Variants in WDPCP observed in about 807,000 individuals in gnomAD.
WDPCP encodes WD repeat-containing and planar cell polarity effector protein fritz homolog.
In WDPCP, 71 loss-of-function variants were observed where a neutral mutation model predicts 93.1. The observed-to-expected ratio is 0.76, with a 90% CI of 0.63 to 0.93. WDPCP has a LOEUF of 0.93. Among genes scored for constraint, WDPCP ranks in the 40% least tolerant of loss-of-function variants. The probability of loss-of-function intolerance (pLI) is 0.00; values close to 1 mark genes in which losing one functional copy is unlikely to be tolerated. For synonymous variants in WDPCP, 315 were observed against 315.0 expected (o/e 1.00, Z 0.00); for missense variants, 844 against 887.4 (o/e 0.95, Z 0.62).
At chr2:63,565,496 G>T (rs1200252630) in intron 1 of WDPCP, among the ~76,000 whole-genome samples, 1 of 152,062 alleles carries the variant, frequency 6.6e-6, no homozygotes, top group East Asian at 1.9e-4. Context: ...AAAACATCAA[G>T]GAGTCACTGA....
At chr2:63,523,677 C>T (rs1703105511) in intron 1 of WDPCP, among the ~76,000 whole-genome samples, 1 of 152,130 alleles carries the variant, frequency 6.6e-6, no homozygotes, top group Non-Finnish European at 1.5e-5. Context: ...TTTGAGAGGC[C>T]GCGGTGGGCG....
intron 16 of WDPCP, 144 bp from the exon 17 acceptor site, chr2:63,153,089 C>G (rs545907545): frequency 1.5e-6 from 1 of 686,868 alleles, no homozygotes; most frequent in East Asian, 2.7e-5. Flanking sequence ...AAAAACCAAA[C>G]CTTAACATAG....
intron 2 of WDPCP, among the ~76,000 whole-genome samples, chr2:63,700,304 CAAAAAGAA>C (rs1558887459): frequency 1.8e-5 from 2 of 110,922 alleles, no homozygotes; most frequent in African/African-American, 6.8e-5. Flanking sequence ...AAAAAAAAAA[CAAAAAGAA>C]AAAAAGAAAA....
chr2:63,425,698 G>A (rs1696227842), intron 9 of WDPCP, among the ~76,000 whole-genome samples: 1 of 152,146 alleles, frequency 6.6e-6, no homozygotes, highest in South Asian at 2.1e-4. Context: ...TTAAAAATGA[G>A]TAAAACCTCT....
rs1368103298 is a variant in WDPCP at position 63,409,754 on chromosome 2, G to A, written c.826-5097C>T. ...AACACTTATAGAAATGCAAAATGCTGTGGAAAGTATCAGCGATAGCATTAA... is the reference window on the plus strand; with the variant it reads ...AACACTTATAGAAATGCAAAATGCTATGGAAAGTATCAGCGATAGCATTAA... On this transcript the variant is annotated intron_variant, in intron 9 of 17. Transcript: ENST00000272321. 2.6e-5 allele frequency among the ~76,000 whole-genome samples: 4 copies of A among 152,288 alleles called. No individual in the cohort carries two copies. In the East Asian group the frequency reaches 7.7e-4, roughly 29 times the overall value.
intron 13 of WDPCP, among the ~76,000 whole-genome samples, chr2:63,303,150 G>A (rs1039353850): frequency 6.6e-6 from 1 of 152,146 alleles, no homozygotes; most frequent in Admixed American, 6.5e-5. Flanking sequence ...CAATTTACAA[G>A]GCTATCCCTG....
chr2:63,701,805 T>C (rs1200384117), intron 2 of WDPCP, among the ~76,000 whole-genome samples: 2 of 152,014 alleles, frequency 1.3e-5, no homozygotes, highest in Non-Finnish European at 2.9e-5. Context: ...AAAGTGACTA[T>C]CATGAAATAG....
chr2:63,494,026 G>C (rs1016915347), intron 1 of WDPCP, among the ~76,000 whole-genome samples: 2 of 152,142 alleles, frequency 1.3e-5, no homozygotes, highest in African/African-American at 4.8e-5. Flanking sequence ...TTCAGACATA[G>C]TACAAACTTC....
intron 12 of WDPCP, among the ~76,000 whole-genome samples, chr2:63,363,149 C>T (rs868328346): frequency 1.3e-4 from 20 of 151,778 alleles, no homozygotes; most frequent in Middle Eastern, 3.2e-3. Flanking sequence ...ATACAAGAAG[C>T]ACAAAGATGG....
intron 3 of WDPCP, among the ~76,000 whole-genome samples, chr2:63,637,951 C>T (rs1040059881): frequency 2.7e-5 from 4 of 150,124 alleles, no homozygotes; most frequent in Non-Finnish European, 4.5e-5. Context: ...TCTGAAGTCA[C>T]GGAAATCAGT....
At chr2:63,494,294 G>T (rs1314094145) in intron 1 of WDPCP, among the ~76,000 whole-genome samples, 2 of 151,826 alleles carry the variant, frequency 1.3e-5, no homozygotes, top group African/African-American at 4.8e-5. Context: ...TGATGACGAC[G>T]ACGACGACAA....
chr2:63,366,168 A>G (rs1690890210), intron 12 of WDPCP, among the ~76,000 whole-genome samples: 1 of 152,192 alleles, frequency 6.6e-6, no homozygotes, highest in South Asian at 2.1e-4. Flanking sequence ...AATTTTCAAA[A>G]GGAGGCATTT....
chr2:63,327,654 A>G (rs1687660031), intron 12 of WDPCP, among the ~76,000 whole-genome samples: 1 of 152,138 alleles, frequency 6.6e-6, no homozygotes, highest in Non-Finnish European at 1.5e-5. Flanking sequence ...TTTACAGGAA[A>G]AGGCTTCTGA....
At chr2:63,763,251 C>G (rs1237177259) in intron 2 of WDPCP, among the ~76,000 whole-genome samples, 3 of 152,042 alleles carry the variant, frequency 2.0e-5, no homozygotes, top group Non-Finnish European at 2.9e-5. Context: ...TGCCTGTGAT[C>G]CCAGCACTTT....
chr2:63,276,606 C>G lies in WDPCP; in HGVS notation c.1813-17197G>C, dbSNP rs112551213. ...GCACTGGAAAGTCTCAGCAATAGAA[C>G]TGAACAAACAGAAGAAAGAACTTCA... On this transcript the variant is annotated intron_variant, in intron 13 of 17. Coordinates refer to ENST00000272321, the MANE Select transcript of WDPCP (RefSeq NM_015910.7). Among the ~76,000 whole-genome samples the G allele has an allele frequency of 4.4e-4, 67 of 152,136 alleles. 1 individual carries two copies. Among genetic ancestry groups the G allele is most frequent in the Non-Finnish European group, 5.9e-5 (4 of 68,014 alleles).
At chr2:63,287,423 T>A (rs1027857989) in intron 13 of WDPCP, among the ~76,000 whole-genome samples, 1 of 152,136 alleles carries the variant, frequency 6.6e-6, no homozygotes, top group Non-Finnish European at 1.5e-5. Flanking sequence ...ACGCTACTCT[T>A]CCTGTTGTAA....
At chr2:63,633,664 G>A (rs1709888708) in intron 3 of WDPCP, among the ~76,000 whole-genome samples, 1 of 151,896 alleles carries the variant, frequency 6.6e-6, no homozygotes, top group Non-Finnish European at 1.5e-5. Flanking sequence ...AAGGAAGACA[G>A]GAAAGAAGGA....
intron 1 of WDPCP, among the ~76,000 whole-genome samples, chr2:63,520,170 T>A (rs1702823652): frequency 6.6e-6 from 1 of 151,390 alleles, no homozygotes; most frequent in South Asian, 2.1e-4. Flanking sequence ...AATAACTCAG[T>A]CAGACAAAAA....
chr2:63,736,028 G>A (rs1218345035), intron 2 of WDPCP, among the ~76,000 whole-genome samples: 1 of 152,162 alleles, frequency 6.6e-6, no homozygotes, highest in African/African-American at 2.4e-5. Flanking sequence ...AGAGGTTAAG[G>A]ATTGCAGAAT....
Sources: gnomAD v4.1 joint callset for allele counts (sites outside exome capture counted in the v4.1 genomes callset) on GRCh38, gnomAD v4.1.1 for gene constraint, MANE v1.5 for transcripts, NCBI Gene and HGNC (gene_info 2026-07-23, HGNC 2026-07-21) for gene names.